Variants in ABHD6 observed in about 807,000 individuals in gnomAD.
ABHD6 encodes the protein monoacylglycerol lipase ABHD6.
In ABHD6, 33 loss-of-function variants were observed where a neutral mutation model predicts 38.8. The ratio of observed to expected loss-of-function variants is 0.85; its 90% CI spans 0.64 to 1.14. The LOEUF (loss-of-function observed/expected upper bound fraction) is 1.14, where lower values mean the gene tolerates loss of function less well. Ranked by LOEUF, ABHD6 falls within the 50% of genes most tolerant of loss-of-function variation. The pLI, the probability that ABHD6 is intolerant of heterozygous loss-of-function variation, is 0.00. For missense variants in ABHD6, 380 were observed against 422.6 expected, an observed-to-expected ratio of 0.90 and a Z score of 0.88; for synonymous variants, 147 against 161.6, an observed-to-expected ratio of 0.91 and a Z score of 0.69.
chr3:58,254,700 G>T (rs1460394030), intron 2 of ABHD6, among the ~76,000 whole-genome samples: 1 of 152,110 alleles, frequency 6.6e-6, no homozygotes, highest in Non-Finnish European at 1.5e-5. Context: ...AGATGGCAGG[G>T]AATCAAGGCA....
intron 6 of ABHD6, among the ~76,000 whole-genome samples, chr3:58,271,764 C>CTTTTTTTTTTT (rs1302501356): frequency 2.6e-5 from 2 of 78,110 alleles, no homozygotes; most frequent in African/African-American, 4.7e-5. Flanking sequence ...CCCCCTCTCT[C>CTTTTTTTTTTT]TGTTTTTTTT....
chr3:58,287,456 C>T lies in ABHD6; in HGVS notation c.837+2003C>T, dbSNP rs769769420. 1.3e-5 allele frequency among the ~76,000 whole-genome samples: 2 copies of T among 151,632 alleles called. No homozygotes were observed. The highest frequency in any genetic ancestry group is 6.6e-5 in the Admixed American group (1 of 15,250). ...AGCCAGGCTGTGCCCATGGCGTGTA[C>T]GCAGAATAAGAGGCAATGGTGTCTT... is the stretch of plus-strand genomic sequence containing the variant. On this transcript the variant is annotated intron_variant, in intron 9 of 9. Coordinates refer to ENST00000478253, the MANE Select transcript of ABHD6 (RefSeq NM_001320126.2). The surrounding 1 kb of genome is among the most constrained non-coding windows in gnomAD (Gnocchi z 4.7).
In ABHD6 at chr3:58,269,307, C is replaced by T. The variant is rs764648759; in HGVS notation, c.277-14C>T. ...CACACCACATACTGACTCTCTGGGT[C>T]TGTGTGTCCTCAGTTCCTTCCAAAG... On this transcript the variant is annotated splice_polypyrimidine_tract_variant and intron_variant, in intron 4 of 9. Transcript: ENST00000478253. This position sits in a 1 kb window ranked among gnomAD's most constrained non-coding sequence, Gnocchi z 4.4. The T allele has an allele frequency of 1.7e-5, 27 of 1,603,408 alleles. No individual in the cohort carries two copies.
intron 1 of ABHD6, among the ~76,000 whole-genome samples, chr3:58,242,990 G>C (rs1206853920): frequency 6.6e-6 from 1 of 152,022 alleles, no homozygotes; most frequent in Non-Finnish European, 1.5e-5. Context: ...TCTGTCCTTG[G>C]AATAGTTTGC....
At position 58,250,937 on chromosome 3, in the gene ABHD6, C is replaced by A. The variant is rs1173604348; in HGVS notation, c.-26+995C>A. On this transcript the variant is annotated intron_variant, in intron 2 of 9. Transcript: ENST00000478253. ...GACTCCAGTGCTGGTGCCTCTTCAC[C>A]TTTGCCTAACAGGAGTGGTGAGCAA... 3.9e-5 allele frequency among the ~76,000 whole-genome samples: 6 copies of A among 152,282 alleles called. No homozygotes were observed. The South Asian group carries it at 1.2e-3, about 32-fold the overall frequency.
At chr3:58,291,605 C>G (rs1246273397) in intron 9 of ABHD6, among the ~76,000 whole-genome samples, 1 of 152,146 alleles carries the variant, frequency 6.6e-6, no homozygotes, top group Non-Finnish European at 1.5e-5. Context: ...TCTAGGAAAT[C>G]GCTGAAATGG....
At position 58,269,504 on chromosome 3, in the gene ABHD6, G is replaced by T. The variant is rs1445015856; in HGVS notation, c.390+70G>T. The T allele has an allele frequency of 8.1e-7, 1 of 1,228,388 alleles. No homozygotes were observed. The highest frequency in any genetic ancestry group is 1.5e-5 in the African/African-American group (1 of 67,380). The allele number at this position is 1,228,388 out of a possible 1,614,324, so 76.1% of individuals were successfully genotyped here. Reference sequence around the variant, plus strand: ...ACCATTACATGTCTGAGTCTGGAGAGCAGGGAAGGGAGTCCTGTGCTACCT... The same window carrying T: ...ACCATTACATGTCTGAGTCTGGAGATCAGGGAAGGGAGTCCTGTGCTACCT... On this transcript the variant is annotated intron_variant, in intron 5 of 9. Transcript: ENST00000478253. The surrounding 1 kb of genome is among the most constrained non-coding windows in gnomAD (Gnocchi z 4.4).
Position 58,263,296 on chromosome 3 carries a change from G to A in ABHD6, c.120-3893G>A, listed in dbSNP as rs567437535. On this transcript the variant is annotated intron_variant, in intron 3 of 9. Transcript: ENST00000478253. This position sits in a 1 kb window ranked among gnomAD's most constrained non-coding sequence, Gnocchi z 4.9. ...TCCCAGCTACTCAGGAGGCTGAGGCGGGAGAATCACTTGAACCCGGGAGGT... is the reference window on the plus strand; with the variant it reads ...TCCCAGCTACTCAGGAGGCTGAGGCAGGAGAATCACTTGAACCCGGGAGGT... 4.3e-4 allele frequency among the ~76,000 whole-genome samples: 65 copies of A among 152,050 alleles called. 1 individual carries two copies. The highest frequency in any genetic ancestry group is 9.6e-4 in the African/African-American group (40 of 41,476).
At chr3:58,247,434 A>G (rs2097427186) in intron 1 of ABHD6, among the ~76,000 whole-genome samples, 1 of 152,236 alleles carries the variant, frequency 6.6e-6, no homozygotes, top group Non-Finnish European at 1.5e-5. Flanking sequence ...TGGCTAGTGC[A>G]GCTGAAGATT....
chr3:58,283,796 G>T (rs993611923), intron 7 of ABHD6, among the ~76,000 whole-genome samples: 5 of 152,194 alleles, frequency 3.3e-5, no homozygotes, highest in Non-Finnish European at 7.3e-5. Context: ...TTGAGCAGAG[G>T]TGGAGGATGG....
At chr3:58,291,390 G>T (rs1328038447) in intron 9 of ABHD6, among the ~76,000 whole-genome samples, 1 of 151,856 alleles carries the variant, frequency 6.6e-6, no homozygotes, top group African/African-American at 2.4e-5. Context: ...GAGGGAGACC[G>T]TGGGGAGAGG....
chr3:58,269,712 TAA>T lies in ABHD6; in HGVS notation c.390+281_390+282del, dbSNP rs2097443466. On this transcript the variant is annotated intron_variant, in intron 5 of 9. Transcript: ENST00000478253. This position sits in a 1 kb window ranked among gnomAD's most constrained non-coding sequence, Gnocchi z 4.4. Reference sequence around the variant, plus strand: ...CTTTGAAAAGGGGTTTAGAATTTCTTAAAACCAATTCCCTTCCTAGGGATCTC... The same window carrying T: ...CTTTGAAAAGGGGTTTAGAATTTCTTAACCAATTCCCTTCCTAGGGATCTC... Among the ~76,000 whole-genome samples the T allele has an allele frequency of 6.6e-6, 1 of 152,250 alleles. No homozygotes were observed. Among genetic ancestry groups the T allele is most frequent in the Non-Finnish European group, 1.5e-5 (1 of 68,042 alleles).
chr3:58,244,718 A>C (rs1008599894), intron 1 of ABHD6, among the ~76,000 whole-genome samples: 45 of 152,170 alleles, frequency 3.0e-4, no homozygotes, highest in African/African-American at 9.4e-4. Context: ...GCGCCACTAC[A>C]GTCTAGCCTG....
In ABHD6 at chr3:58,267,147, G is replaced by A; in HGVS notation, c.120-42G>A. ...CCCATCTTGAAGCCACTCATCTAGA[G>A]CTTACTGATTTCGTTTTGTCTTTAT... is the stretch of plus-strand genomic sequence containing the variant. On this transcript the variant is annotated intron_variant, in intron 3 of 9. Coordinates refer to ENST00000478253, the MANE Select transcript of ABHD6 (RefSeq NM_001320126.2). The surrounding 1 kb of genome is among the most constrained non-coding windows in gnomAD (Gnocchi z 4.3). The A allele has an allele frequency of 6.2e-7, 1 of 1,607,540 alleles. No homozygotes were observed. The highest frequency in any genetic ancestry group is 2.2e-5 in the East Asian group (1 of 44,804).
Position 58,251,316 on chromosome 3 carries a change from A to AC in ABHD6, c.-26+1374_-26+1375insC, listed in dbSNP as rs2097429758. Among the ~76,000 whole-genome samples, 1 of 34,342 alleles carries AC rather than the reference A, an allele frequency of 2.9e-5. No individual in the cohort carries two copies. The highest frequency in any genetic ancestry group is 9.0e-4 in the African/African-American group (1 of 1,114). 22.5% of individuals were successfully genotyped at this position (34,342 alleles called of 152,430 possible). A position where few individuals can be genotyped will look rare whatever the true frequency, so the allele number is the denominator to read the frequency against. On this transcript the variant is annotated intron_variant, in intron 2 of 9. Transcript: ENST00000478253. This position sits in a 1 kb window ranked among gnomAD's most constrained non-coding sequence, Gnocchi z 5.4. ...TGGCTGACAGAGCGAGACTCCATCT[A>AC]AAAAAAAAAAAGAAAGAAAAAAAGA...
Position 58,285,354 on chromosome 3 carries a change from GT to G in ABHD6, c.743del (p.Leu248TrpfsTer61). Reference sequence around the variant, plus strand: ...ACTTTGTTTTCCTTTTCTGACAAGTGTTTTTGGAAATCGTCAGTGAGAAGTC... The same window carrying G: ...ACTTTGTTTTCCTTTTCTGACAAGTGTTTTGGAAATCGTCAGTGAGAAGTC... The part of the protein sequence containing the change: ...IPHNNFYRKL[F>X]LEIVSEKSRY... On this transcript the variant is annotated frameshift_variant and splice_region_variant, in exon 9 of 10. Transcript: ENST00000478253. LOFTEE classifies it high-confidence loss of function. This position sits in a 1 kb window ranked among gnomAD's most constrained non-coding sequence, Gnocchi z 4.9. 1 of 1,614,046 alleles carries G rather than the reference GT, an allele frequency of 6.2e-7. No homozygotes were observed. Among genetic ancestry groups the G allele is most frequent in the Non-Finnish European group, 8.5e-7 (1 of 1,179,894 alleles).
At position 58,266,527 on chromosome 3, in the gene ABHD6, A is replaced by G. The variant is rs1465451059; in HGVS notation, c.120-662A>G. Among the ~76,000 whole-genome samples, 5 of 152,014 alleles carry G rather than the reference A, an allele frequency of 3.3e-5. No individual in the cohort carries two copies. Among genetic ancestry groups the G allele is most frequent in the Non-Finnish European group, 5.9e-5 (4 of 68,018 alleles). On this transcript the variant is annotated intron_variant, in intron 3 of 9. Transcript: ENST00000478253. This position sits in a 1 kb window ranked among gnomAD's most constrained non-coding sequence, Gnocchi z 4.0. The stretch of plus-strand genomic sequence containing the variant: ...TATGCGGATAAAAGTAAATGAATAT[A>G]TATCTTCTCTCCCTCTCTGCTTATT...
intron 9 of ABHD6, among the ~76,000 whole-genome samples, chr3:58,292,848 G>A (rs901842255): frequency 3.9e-5 from 6 of 152,146 alleles, no homozygotes; most frequent in South Asian, 2.1e-4. Flanking sequence ...CCTGGGAGGC[G>A]GAGGTTGCAG....
chr3:58,293,878 C>G lies in ABHD6; in HGVS notation c.*113C>G. ...CAAATGCGGTCGGAGCGCCAGTGACCCTGAGGAAGCCCGTCCCTTATCCCT... is the reference window on the plus strand; with the variant it reads ...CAAATGCGGTCGGAGCGCCAGTGACGCTGAGGAAGCCCGTCCCTTATCCCT... On this transcript the variant is annotated 3_prime_UTR_variant, in exon 10 of 10. Coordinates refer to ENST00000478253, the MANE Select transcript of ABHD6 (RefSeq NM_001320126.2). This position sits in a 1 kb window ranked among gnomAD's most constrained non-coding sequence, Gnocchi z 4.4. 2 of 1,219,776 alleles carry G rather than the reference C, an allele frequency of 1.6e-6. No homozygotes were observed. The highest frequency in any genetic ancestry group is 2.3e-6 in the Non-Finnish European group (2 of 886,712). The allele number at this position is 1,219,776 out of a possible 1,614,324, so 75.6% of individuals were successfully genotyped here.
Sources: gnomAD v4.1 joint callset for allele counts (sites outside exome capture counted in the v4.1 genomes callset) on GRCh38, gnomAD v4.1.1 for gene constraint, Gnocchi (gnomAD v3.1) non-coding constraint, MANE v1.5 for transcripts, NCBI Gene and HGNC (gene_info 2026-07-23, HGNC 2026-07-21) for gene names.